SI: variants seen among roughly 807,000 people sequenced by gnomAD.
The protein encoded by SI is sucrase-isomaltase.
In SI, 235 loss-of-function variants were observed where a neutral mutation model predicts 253.3. The ratio of observed to expected loss-of-function variants is 0.93; its 90% CI spans 0.83 to 1.03. The LOEUF is 1.03. Among genes scored for constraint, SI ranks in the 50% least tolerant of loss-of-function variants. SI has a pLI of 0.00. For missense variants in SI, 2,442 were observed against 2,211.1 expected (o/e 1.10, Z -2.09); for synonymous variants, 819 against 712.0 (o/e 1.15, Z -2.39).
intron 28 of SI, 93 bp downstream of exon 28, chr3:165,019,508 AC>A (rs1719199692): frequency 1.7e-6 from 2 of 1,149,786 alleles, no homozygotes; most frequent in African/African-American, 3.0e-5. Context: ...CTTTGTCATT[AC>A]TTCAATCCTA....
Position 165,015,193 on chromosome 3 carries a change from G to A in SI, c.3929C>T (p.Ala1310Val), listed in dbSNP as rs1440209117. The A allele has an allele frequency of 1.2e-6, 2 of 1,613,344 alleles. No individual in the cohort carries two copies. Among genetic ancestry groups the A allele is most frequent in the Middle Eastern group, 1.6e-4 (1 of 6,076 alleles). ...ATCATTCTGCTGTCCTCTTTCAAAT[G>A]CAGGGTAAGTCTTTGTTTCATTTCC... ...ISGNETKTYP[A>V]FERGQQNDVF... The change falls in exon 33 of 48, where the codon GCA (alanine) becomes GTA (valine). Residue 1310 changes from alanine to valine, a missense_variant. Transcript: ENST00000264382.
At chr3:165,055,778 A>G (rs1351061333) in intron 12 of SI, among the ~76,000 whole-genome samples, 1 of 152,154 alleles carries the variant, frequency 6.6e-6, no homozygotes, top group African/African-American at 2.4e-5. Context: ...AAGTACTTTC[A>G]TAATTACTAA....
At chr3:165,068,116 G>GT (rs1441632787) in intron 5 of SI, among the ~76,000 whole-genome samples, 2 of 151,952 alleles carry the variant, frequency 1.3e-5, no homozygotes, top group Non-Finnish European at 2.9e-5. Context: ...ATCAGTGAAA[G>GT]TATTATGTTG....
At chr3:164,992,680 G>T (rs1717822249) in intron 41 of SI, among the ~76,000 whole-genome samples, 2 of 151,780 alleles carry the variant, frequency 1.3e-5, no homozygotes, top group African/African-American at 2.4e-5. Flanking sequence ...CTTTGGAAGA[G>T]AACTAATAGA....
upstream of SI, among the ~76,000 whole-genome samples, chr3:165,082,532 T>C (rs186307220): frequency 3.1e-3 from 465 of 152,048 alleles, 2 homozygotes; most frequent in Non-Finnish European, 2.7e-3. Context: ...CCTATACCTT[T>C]CATATTTGCC....
rs375209447 is a variant in SI, at chr3:165,044,547, C to T, written c.1888-1372G>A. 1.4e-3 allele frequency among the ~76,000 whole-genome samples: 218 copies of T among 151,968 alleles called. 1 individual carries two copies. The highest frequency in any genetic ancestry group is 5.1e-3 in the African/African-American group (210 of 41,542). ...AGTTTTTCATATTTTTATTGGGTCC[C>T]TATAGATTACTCTTTCTATAGAATT... is the stretch of plus-strand genomic sequence containing the variant. On this transcript the variant is annotated intron_variant, in intron 16 of 47. Transcript: ENST00000264382.
Position 165,069,166 on chromosome 3 carries a change from C to T in SI, c.285G>A (p.Trp95Ter), listed in dbSNP as rs923379830. ...GAATAAGAGAGTCATTCCACGGCCT[C>T]CAGCAGCAGCCTCTCTGTGCACAAA... Reference protein sequence around the residue: ...EGICAQRGCCWRPWNDSLIPW... With the variant: ...EGICAQRGCC The change falls in exon 4 of 48, where the codon TGG becomes TGA. Residue 95 changes from tryptophan (W) to a stop codon, truncating the protein, a stop_gained. Coordinates refer to ENST00000264382, the MANE Select transcript of SI (RefSeq NM_001041.4). LOFTEE classifies it high-confidence loss of function. 1.2e-6 allele frequency: 2 copies of T among 1,612,992 alleles called. No individual in the cohort carries two copies. The highest frequency in any genetic ancestry group is 2.7e-5 in the African/African-American group (2 of 74,998).
chr3:165,050,081 C>T (rs566962200), intron 13 of SI, among the ~76,000 whole-genome samples: 6 of 152,018 alleles, frequency 3.9e-5, no homozygotes, highest in Non-Finnish European at 8.8e-5. Flanking sequence ...AGATTTTAAA[C>T]AATCAAAATG....
chr3:165,048,582 TATAGAGAG>T (rs1234464078), intron 15 of SI, among the ~76,000 whole-genome samples: 5 of 111,718 alleles, frequency 4.5e-5, no homozygotes, highest in Admixed American at 2.8e-4. Context: ...TATATATATA[TATAGAGAG>T]AGAGAGAGAG....
chr3:165,059,062 A>C lies in SI; in HGVS notation c.1299T>G (p.Gly433=), dbSNP rs1181150626. 1.2e-6 allele frequency: 2 copies of C among 1,612,324 alleles called. No homozygotes were observed. Among genetic ancestry groups the C allele is most frequent in the East Asian group, 4.5e-5 (2 of 44,702 alleles). The change falls in exon 12 of 48, where the codon GGT becomes GGG. Residue 433 remains glycine (G), a synonymous_variant. Transcript: ENST00000264382. ...CATATGTTGTTCCATTGGCACGTCG[A>C]CCTATGGAAATTGCAGGGTCCTAAT... ...VIILDPAISI[G]RRANGTTYAT...
intron 38 of SI, among the ~76,000 whole-genome samples, chr3:164,997,619 T>A (rs186025075): frequency 1.4e-4 from 21 of 151,896 alleles, no homozygotes; most frequent in African/African-American, 4.6e-4. Flanking sequence ...GACAGGCTGT[T>A]ACTCAATCCT....
chr3:165,055,690 C>G (rs1166905726), intron 12 of SI, among the ~76,000 whole-genome samples: 1 of 151,902 alleles, frequency 6.6e-6, no homozygotes, highest in Non-Finnish European at 1.5e-5. Context: ...GTGTATGCCT[C>G]CAAGCAATTT....
At chr3:165,041,608 G>T (rs1180857165) in intron 17 of SI, among the ~76,000 whole-genome samples, 2 of 152,064 alleles carry the variant, frequency 1.3e-5, no homozygotes, top group African/African-American at 4.8e-5. Flanking sequence ...ATCACAGATA[G>T]GTTGCTGGCT....
Position 164,986,950 on chromosome 3 carries a change from G to C in SI, c.5197+188C>G, listed in dbSNP as rs542476080. Among the ~76,000 whole-genome samples the C allele has an allele frequency of 3.9e-5, 6 of 152,286 alleles. No homozygotes were observed. In the South Asian group the frequency reaches 1.2e-3, roughly 32 times the overall value. On this transcript the variant is annotated intron_variant, in intron 45 of 47. Transcript: ENST00000264382. ...GGGATTGACTATATTTAGGATAAGAGAAGTCTTTAAATGTTTGCGACATTG... is the reference window on the plus strand; with the variant it reads ...GGGATTGACTATATTTAGGATAAGACAAGTCTTTAAATGTTTGCGACATTG...
chr3:165,012,966 C>T lies in SI; in HGVS notation c.4062+14G>A, dbSNP rs746445689. 17 of 1,520,774 alleles carry T rather than the reference C, an allele frequency of 1.1e-5. No homozygotes were observed. In the East Asian group the frequency reaches 1.8e-4, roughly 16 times the overall value. The allele number at this position is 1,520,774 out of a possible 1,614,324, so 94.2% of individuals were successfully genotyped here. On this transcript the variant is annotated intron_variant, in intron 34 of 47. Transcript: ENST00000264382. ...ATTTCTTCTCATTGTATAGTTAGCC[C>T]GTGTAAAACTTACATTAACAGCTTC...
Position 165,036,636 on chromosome 3 carries a change from C to T in SI, c.2427-159G>A, listed in dbSNP as rs111468077. On this transcript the variant is annotated intron_variant, in intron 21 of 47. Transcript: ENST00000264382. ...TGTATTTATATGTATTAATAATTTA[C>T]CGATACCAATGTTCTTATGTGAATA... Among the ~76,000 whole-genome samples, 88 of 151,740 alleles carry T rather than the reference C, an allele frequency of 5.8e-4. 2 individuals carry two copies. Among genetic ancestry groups the T allele is most frequent in the African/African-American group, 1.7e-3 (70 of 41,434 alleles).
intron 12 of SI, 25 bp downstream of exon 12, chr3:165,058,938 A>T (rs1713841196): frequency 6.2e-7 from 1 of 1,600,884 alleles, no homozygotes; most frequent in Admixed American, 1.7e-5. Context: ...TGAGCAACAT[A>T]GTTTTAATAA....
At chr3:164,997,611 C>T (rs11920856) in intron 38 of SI, among the ~76,000 whole-genome samples, 80 of 151,686 alleles carry the variant, frequency 5.3e-4, no homozygotes, top group African/African-American at 1.6e-3. Flanking sequence ...TAGTACTTGA[C>T]AGGCTGTTAC....
At chr3:164,995,383 T>G (rs1195941714) in intron 40 of SI, among the ~76,000 whole-genome samples, 1 of 151,874 alleles carries the variant, frequency 6.6e-6, no homozygotes, top group Non-Finnish European at 1.5e-5. Context: ...TATCTGTTGC[T>G]TATTGACCTC....
Sources: allele counts gnomAD v4.1 joint callset (sites outside exome capture counted in the v4.1 genomes callset), GRCh38; gene constraint gnomAD v4.1.1; transcripts MANE v1.5; gene names NCBI Gene and HGNC (gene_info 2026-07-23, HGNC 2026-07-21).